ODF2L: variants seen among roughly 807,000 people sequenced by gnomAD.
The protein encoded by ODF2L is protein BCAP.
In ODF2L, 76 loss-of-function variants were observed where a neutral mutation model predicts 86.3. The ratio of observed to expected loss-of-function variants is 0.88; its 90% CI spans 0.73 to 1.07. ODF2L has a LOEUF of 1.07. Among genes scored for constraint, ODF2L ranks in the 50% least tolerant of loss-of-function variants. ODF2L has a pLI of 0.00. For missense variants in ODF2L, 748 were observed against 717.4 expected, an observed-to-expected ratio of 1.04 and a Z score of -0.49; for synonymous variants, 241 against 231.3, an observed-to-expected ratio of 1.04 and a Z score of -0.38.
At chr1:86,348,131 T>G (rs980432157), downstream of ODF2L, 1 of 152,100 alleles carries the variant, frequency 6.6e-6, no homozygotes, top group Non-Finnish European at 1.5e-5. Flanking sequence ...ATATCTATTC[T>G]TTATAAAGAA....
intron 2 of ODF2L, 70 bp from the exon 3 acceptor site, chr1:86,385,660 A>G (rs1190393359): frequency 6.6e-6 from 8 of 1,205,846 alleles, no homozygotes; most frequent in Non-Finnish European, 7.4e-6. Context: ...CAGAAATGCC[A>G]TATCACCTAT....
chr1:86,371,143 T>G lies in ODF2L; in HGVS notation c.931A>C (p.Asn311His), dbSNP rs781459999. The stretch of plus-strand genomic sequence containing the variant: ...ATTTTCTTCAGATCTTCCAAAAGAT[T>G]AATGATTTGCCTTTATAAAATCAAT... Residue 311 changes from asparagine to histidine, a missense_variant, in exon 10 of 18, where the codon AAT becomes CAT. Coordinates refer to ENST00000317336, the Ensembl canonical transcript of ODF2L. 15 of 1,490,916 alleles carry G rather than the reference T, an allele frequency of 1.0e-5. No homozygotes were observed. In the South Asian group the frequency reaches 2.0e-4, roughly 20 times the overall value. The allele number at this position is 1,490,916 out of a possible 1,614,324, so 92.4% of individuals were successfully genotyped here. A position where few individuals can be genotyped will look rare whatever the true frequency, so the allele number is the denominator to read the frequency against.
chr1:86,362,750 C>T (rs1001682152), intron 11 of ODF2L, among the ~76,000 whole-genome samples: 1 of 152,156 alleles, frequency 6.6e-6, no homozygotes, highest in Non-Finnish European at 1.5e-5. Flanking sequence ...GCCTCTGCCT[C>T]CTGGGTTCAA....
chr1:86,382,348 A>G, exon 7 of ODF2L: 1 of 1,611,896 alleles, frequency 6.2e-7, no homozygotes, highest in South Asian at 1.1e-5. Flanking sequence ...GTTTGCTTTC[A>G]AAGTATTTGC....
intron 13 of ODF2L, among the ~76,000 whole-genome samples, chr1:86,357,466 C>A (rs1203065321): frequency 6.6e-6 from 1 of 151,128 alleles, no homozygotes. Context: ...CCTTGGACTG[C>A]TCCTTTAAAA....
At position 86,360,527 on chromosome 1, in the gene ODF2L, C is replaced by G. The variant is rs748911720; in HGVS notation, c.1153G>C (p.Ala385Pro). Reference sequence around the variant, plus strand: ...GATACAACTTCATCCTTCAAAGCAGCAAGTGTAGTCTAGCAAAAAAGATAT... The same window carrying G: ...GATACAACTTCATCCTTCAAAGCAGGAAGTGTAGTCTAGCAAAAAAGATAT... The change falls in exon 12 of 18, where the codon GCT becomes CCT. Residue 385 changes from alanine to proline, a missense_variant. By Grantham distance (27) the Ala-to-Pro change is conservative. Transcript: ENST00000317336. The G allele has an allele frequency of 2.7e-5, 41 of 1,529,066 alleles. 1 individual carries two copies. In the South Asian group the frequency reaches 3.5e-4, roughly 13 times the overall value. The allele number at this position is 1,529,066 out of a possible 1,614,324, so 94.7% of individuals were successfully genotyped here. A position where few individuals can be genotyped will look rare whatever the true frequency, so the allele number is the denominator to read the frequency against.
At chr1:86,356,330 T>G in intron 14 of ODF2L, 114 bp downstream of exon 13, 3 of 728,034 alleles carry the variant, frequency 4.1e-6, no homozygotes, top group Non-Finnish European at 6.6e-6. Context: ...TTTTACGAAC[T>G]AAGTAGATGG....
At chr1:86,395,528 T>C (rs979782763) in intron 1 of ODF2L, among the ~76,000 whole-genome samples, 4 of 152,092 alleles carry the variant, frequency 2.6e-5, no homozygotes, top group African/African-American at 9.7e-5. Context: ...CGACCCTAGG[T>C]CAATCCCGCA....
At chr1:86,384,045 C>G (rs1385977379) in intron 4 of ODF2L, among the ~76,000 whole-genome samples, 1 of 151,744 alleles carries the variant, frequency 6.6e-6, no homozygotes. Flanking sequence ...GTGCTGAGAT[C>G]AAGAGAATAT....
In ODF2L at chr1:86,383,948, T is replaced by C. The variant is rs118160392; in HGVS notation, c.372+728A>G. Among the ~76,000 whole-genome samples the C allele has an allele frequency of 8.1e-4, 123 of 151,918 alleles. No homozygotes were observed. The East Asian group carries it at 0.017, about 21-fold the overall frequency. On this transcript the variant is annotated intron_variant, in intron 4 of 17. Transcript: ENST00000317336. ...ATTTTTCTAAAACACCACGTATATA[T>C]GCACACGTAACATATATAAAGAAAC...
chr1:86,363,163 G>A (rs72949875), intron 11 of ODF2L, among the ~76,000 whole-genome samples: 3,087 of 152,226 alleles, frequency 0.02, 80 homozygotes, highest in African/African-American at 0.062. Flanking sequence ...TGGAAGCAGC[G>A]TATGAGAGAA....
At chr1:86,392,820 AT>A (rs1661424436) in intron 1 of ODF2L, among the ~76,000 whole-genome samples, 1 of 152,238 alleles carries the variant, frequency 6.6e-6, no homozygotes, top group Non-Finnish European at 1.5e-5. Context: ...GAAATAAAAA[AT>A]TTTAAAAAAC....
At chr1:86,355,216 T>TC (rs1223598044) in intron 14 of ODF2L, 1 of 643,384 alleles carries the variant, frequency 1.6e-6, no homozygotes, top group Non-Finnish European at 2.7e-6. Context: ...ACCTAGGGTT[T>TC]CTCTTATGGT....
chr1:86,369,992 C>T (rs1037696218), intron 10 of ODF2L, among the ~76,000 whole-genome samples: 1 of 151,828 alleles, frequency 6.6e-6, no homozygotes, highest in Non-Finnish European at 1.5e-5. Context: ...TATTTTTTCT[C>T]ATAAACATAC....
chr1:86,354,391 A>G, intron 16 of ODF2L, 139 bp downstream of exon 15: 2 of 579,850 alleles, frequency 3.4e-6, no homozygotes, highest in Non-Finnish European at 6.1e-6. Context: ...GAAAAGGAAG[A>G]TAGTTAAAGA....
chr1:86,392,869 T>A (rs983508157), intron 1 of ODF2L, among the ~76,000 whole-genome samples: 4 of 152,260 alleles, frequency 2.6e-5, no homozygotes, highest in African/African-American at 9.6e-5. Context: ...TTTTAAAATA[T>A]TTTAAAATGT....
chr1:86,372,839 C>G (rs1659895373), intron 8 of ODF2L, among the ~76,000 whole-genome samples: 1 of 152,120 alleles, frequency 6.6e-6, no homozygotes, highest in African/African-American at 2.4e-5. Flanking sequence ...AAGTTGGAGA[C>G]AGCTATTATA....
intron 3 of ODF2L, 105 bp from the exon 4 acceptor site, chr1:86,384,906 T>G: frequency 3.6e-6 from 3 of 829,850 alleles, no homozygotes; most frequent in Non-Finnish European, 5.0e-6. Context: ...ACAAAATCAT[T>G]CTTTTGTGCA....
downstream of ODF2L, chr1:86,348,866 G>A: frequency 6.4e-7 from 1 of 1,550,706 alleles, no homozygotes; most frequent in South Asian, 1.3e-5. Flanking sequence ...CACACTTCCT[G>A]ATGTTGTGCT....
Sources: allele counts gnomAD v4.1 joint callset (sites outside exome capture counted in the v4.1 genomes callset), GRCh38; gene constraint gnomAD v4.1.1; transcripts MANE v1.5; gene names NCBI Gene and HGNC (gene_info 2026-07-23, HGNC 2026-07-21).